The following MEGF11 variants were observed in gnomAD, a reference collection of about 807,000 sequenced individuals.
MEGF11 encodes the protein multiple epidermal growth factor-like domains protein 11.
MEGF11 carries 126 observed loss-of-function variants against 146.6 expected under a neutral mutation model. The ratio of observed to expected loss-of-function variants is 0.86; its 90% CI spans 0.74 to 1.00. The LOEUF (loss-of-function observed/expected upper bound fraction) is 1.00. Ranked by LOEUF, MEGF11 falls within the 50% of genes least tolerant of loss-of-function variation. The pLI is 0.00. For missense variants in MEGF11, 1,509 were observed against 1,521.2 expected, an observed-to-expected ratio of 0.99 and a Z score of 0.13; for synonymous variants, 532 against 583.4, an observed-to-expected ratio of 0.91 and a Z score of 1.27.
At chr15:66,012,055 C>A (rs1596988154) in intron 5 of MEGF11, among the ~76,000 whole-genome samples, 1 of 116,090 alleles carries the variant, frequency 8.6e-6, no homozygotes, top group African/African-American at 2.8e-5. Context: ...CATAGTGAGA[C>A]CCCATCTCTT....
At chr15:66,054,567 A>G (rs1223394728) in intron 5 of MEGF11, among the ~76,000 whole-genome samples, 1 of 152,194 alleles carries the variant, frequency 6.6e-6, no homozygotes, top group Admixed American at 6.5e-5. Context: ...CTGGATGAAG[A>G]TTTCCTCCAT....
At chr15:66,050,600 G>A (rs1478573507) in intron 5 of MEGF11, among the ~76,000 whole-genome samples, 2 of 152,236 alleles carry the variant, frequency 1.3e-5, no homozygotes, top group Admixed American at 6.5e-5. Context: ...TACCCTGAGT[G>A]TGATGGGAGC....
At chr15:65,913,642 A>C in intron 20 of MEGF11, 95 bp downstream of exon 20, 1 of 1,104,798 alleles carries the variant, frequency 9.1e-7, no homozygotes, top group Non-Finnish European at 1.3e-6. Context: ...GAGCTTCCAC[A>C]TTCAGCCACA....
At chr15:66,210,210 G>T (rs2091409595) in intron 1 of MEGF11, among the ~76,000 whole-genome samples, 1 of 152,186 alleles carries the variant, frequency 6.6e-6, no homozygotes, top group South Asian at 2.1e-4. Context: ...GTGACCATTG[G>T]AGGAAACTGA....
At position 65,917,390 on chromosome 15, in the gene MEGF11, G is replaced by C. The variant is rs558876178; in HGVS notation, c.2087-434C>G. ...TGGAGCCTGTCTCCTCATCAGAATG[G>C]AAATTCCCTCAGCCATCTAACTAGG... On this transcript the variant is annotated intron_variant, in intron 16 of 25. Coordinates refer to ENST00000395614, the MANE Select transcript of MEGF11 (RefSeq NM_001385028.1). 2.6e-5 allele frequency among the ~76,000 whole-genome samples: 4 copies of C among 152,250 alleles called. No individual in the cohort carries two copies. In the East Asian group the frequency reaches 7.7e-4, roughly 29 times the overall value.
intron 1 of MEGF11, among the ~76,000 whole-genome samples, chr15:66,155,569 G>A (rs2089726581): frequency 1.3e-5 from 2 of 152,154 alleles, no homozygotes; most frequent in African/African-American, 4.8e-5. Flanking sequence ...CAGAGCTCCA[G>A]ACTCATGTTT....
Position 66,242,066 on chromosome 15 carries a change from G to A in MEGF11, c.-9+11539C>T, listed in dbSNP as rs368076269. ...TCCTGAATGCCTTTGTGTGAGGCAT[G>A]GTGCAGAACATTAAATCTTCATTTA... On this transcript the variant is annotated intron_variant, in intron 1 of 25. Coordinates refer to ENST00000395614, the MANE Select transcript of MEGF11 (RefSeq NM_001385028.1). Among the ~76,000 whole-genome samples the A allele has an allele frequency of 7.2e-5, 11 of 152,238 alleles. No individual in the cohort carries two copies. The East Asian group carries it at 2.1e-3, about 29-fold the overall frequency.
In MEGF11 at chr15:65,912,872, T is replaced by A. The variant is rs574083988; in HGVS notation, c.2711-672A>T. 7.9e-5 allele frequency among the ~76,000 whole-genome samples: 12 copies of A among 152,230 alleles called. No individual in the cohort carries two copies. In the East Asian group the frequency reaches 2.3e-3, roughly 29 times the overall value. ...ACTTAGCAGGAATGGGCTGAAGTGA[T>A]CTGGGTTTTCTAAGCACAAGATGCA... On this transcript the variant is annotated intron_variant, in intron 20 of 25. Coordinates refer to ENST00000395614, the MANE Select transcript of MEGF11 (RefSeq NM_001385028.1).
chr15:65,927,719 G>A lies in MEGF11; in HGVS notation c.1675+706C>T, dbSNP rs557958995. Among the ~76,000 whole-genome samples the A allele has an allele frequency of 2.6e-5, 4 of 152,312 alleles. No individual in the cohort carries two copies. The East Asian group carries it at 7.7e-4, about 29-fold the overall frequency. ...TGCAAAGGCCTGGAGTCAGGAAGGT[G>A]GTTGGCTTCCTGAAGAAGTAGACTG... On this transcript the variant is annotated intron_variant, in intron 13 of 25. Transcript: ENST00000395614.
intron 5 of MEGF11, among the ~76,000 whole-genome samples, chr15:65,996,451 A>G (rs1438091380): frequency 2.0e-5 from 3 of 150,154 alleles, no homozygotes; most frequent in Admixed American, 6.6e-5. Flanking sequence ...GAAACTTGCT[A>G]TTTGAAATAG....
In MEGF11 at chr15:65,965,048, C is replaced by A. The variant is rs2081013245; in HGVS notation, c.972G>T (p.Gly324=). 6.3e-7 allele frequency: 1 copy of A among 1,591,096 alleles called. No homozygotes were observed. The highest frequency in any genetic ancestry group is 8.6e-7 in the Non-Finnish European group (1 of 1,168,590). ...AGGCACCCGTGGTGGGTGAACACTGCCCCCCATTGTGGCAGTCACAGTGCT... is the reference window on the plus strand; with the variant it reads ...AGGCACCCGTGGTGGGTGAACACTGACCCCCATTGTGGCAGTCACAGTGCT... ...CSQHCDCHNG[G]QCSPTTGACE... The change falls in exon 9 of 26, where the codon GGG becomes GGT. Residue 324 remains glycine (G), a synonymous_variant. Transcript: ENST00000395614.
At chr15:66,230,426 A>G (rs2091946414) in intron 1 of MEGF11, among the ~76,000 whole-genome samples, 1 of 152,232 alleles carries the variant, frequency 6.6e-6, no homozygotes, top group Admixed American at 6.5e-5. Flanking sequence ...ATGGAGGTCT[A>G]TAATATCCAC....
intron 1 of MEGF11, among the ~76,000 whole-genome samples, chr15:66,175,954 TCAACAA>T (rs201096466): frequency 6.6e-6 from 1 of 151,986 alleles, no homozygotes; most frequent in Non-Finnish European, 1.5e-5. Context: ...TATAAGGCAC[TCAACAA>T]CAACAACAAC....
chr15:66,114,883 GC>G (rs1396004640), intron 4 of MEGF11, among the ~76,000 whole-genome samples: 1 of 152,272 alleles, frequency 6.6e-6, no homozygotes, highest in Non-Finnish European at 1.5e-5. Context: ...GAAAAACAGT[GC>G]CCCCCTGCAT....
At chr15:66,053,235 C>T (rs1471033785) in intron 5 of MEGF11, among the ~76,000 whole-genome samples, 1 of 152,186 alleles carries the variant, frequency 6.6e-6, no homozygotes, top group East Asian at 1.9e-4. Flanking sequence ...TTTTTCATAT[C>T]CTTTGTGTTT....
chr15:65,913,707 G>T (rs1282764029), intron 20 of MEGF11, 30 bp downstream of exon 20: 1 of 1,566,408 alleles, frequency 6.4e-7, no homozygotes, highest in Non-Finnish European at 8.7e-7. Flanking sequence ...TGGAGGGGAA[G>T]AGGAGGGAGG....
At chr15:65,955,761 A>ATT (rs1555455762) in intron 10 of MEGF11, among the ~76,000 whole-genome samples, 236 of 14,700 alleles carry the variant, frequency 0.016, 13 homozygotes, top group Middle Eastern at 0.05. Context: ...AAAAAAAAAA[A>ATT]ATATATATAT....
intron 10 of MEGF11, among the ~76,000 whole-genome samples, chr15:65,934,775 G>C (rs1046068346): frequency 4.6e-5 from 7 of 152,218 alleles, no homozygotes; most frequent in African/African-American, 1.7e-4. Flanking sequence ...CCAAAGGACA[G>C]GGTTTGGAAA....
intron 4 of MEGF11, among the ~76,000 whole-genome samples, chr15:66,106,210 A>G (rs888261337): frequency 3.3e-5 from 5 of 152,342 alleles, no homozygotes; most frequent in African/African-American, 1.2e-4. Context: ...GGTGACTCTC[A>G]GGAGAGTCTA....
Sources: gnomAD v4.1 joint callset for allele counts (sites outside exome capture counted in the v4.1 genomes callset) on GRCh38, gnomAD v4.1.1 for gene constraint, MANE v1.5 for transcripts, NCBI Gene and HGNC (gene_info 2026-07-23, HGNC 2026-07-21) for gene names.